Variants in FBRSL1 observed in about 807,000 individuals in gnomAD.
FBRSL1 encodes fibrosin like 1, also known as fibrosin-1-like protein.
Under a neutral mutation model 89.6 loss-of-function variants are expected in FBRSL1, and 51 were observed. The ratio of observed to expected loss-of-function variants is 0.57; its 90% CI spans 0.45 to 0.72. The LOEUF (loss-of-function observed/expected upper bound fraction) is 0.72. Among genes scored for constraint, FBRSL1 ranks in the 30% least tolerant of loss-of-function variants. The pLI is 0.00. For synonymous variants in FBRSL1, 779 were observed against 681.1 expected (o/e 1.14, Z -2.24); for missense variants, 1,618 against 1,451.8 (o/e 1.11, Z -1.86).
At position 132,583,644 on chromosome 12, in the gene FBRSL1, CT is replaced by C. The variant is rs946145013; in HGVS notation, c.2876del (p.Leu959ArgfsTer2). The stretch of plus-strand genomic sequence containing the variant: ...CGCCGCCCTCGGCGCACCGCCCCCC[CT>C]GGTGACGGCGGCCGGGCCCCCCACG... Reference protein sequence around the residue: ...AAAALGAPPPLVTAAGPPTPP... With the variant: ...AAAALGAPPPXVTAAGPPTPP... On this transcript the variant is annotated frameshift_variant, in exon 19 of 19. Transcript: ENST00000680143. LOFTEE classifies it high-confidence loss of function. 9.5e-5 allele frequency: 97 copies of C among 1,016,260 alleles called. No homozygotes were observed. Among genetic ancestry groups the C allele is most frequent in the Non-Finnish European group, 9.2e-5 (78 of 849,996 alleles). The allele number at this position is 1,016,260 out of a possible 1,614,324, so 63.0% of individuals were successfully genotyped here. A position where few individuals can be genotyped will look rare whatever the true frequency, so the allele number is the denominator to read the frequency against.
At chr12:132,574,624 C>T in intron 14 of FBRSL1, 60 bp downstream of exon 14, 1 of 1,523,986 alleles carries the variant, frequency 6.6e-7, no homozygotes. Context: ...TGGTCGGGCC[C>T]TGAAGGCCAG....
chr12:132,581,328 G>T, intron 15 of FBRSL1, 111 bp from the exon 16 acceptor site: 1 of 1,541,956 alleles, frequency 6.5e-7, no homozygotes, highest in South Asian at 1.2e-5. Context: ...GCGAGAGAAT[G>T]GGAGGTGAAG....
At chr12:132,533,924 G>C (rs906735524) in intron 4 of FBRSL1, among the ~76,000 whole-genome samples, 2 of 152,216 alleles carry the variant, frequency 1.3e-5, no homozygotes, top group African/African-American at 4.8e-5. Flanking sequence ...CAGGGTGTCT[G>C]AGTAGGGGCA....
intron 15 of FBRSL1, among the ~76,000 whole-genome samples, chr12:132,579,920 A>C (rs987314219): frequency 6.6e-6 from 1 of 152,078 alleles, no homozygotes; most frequent in Non-Finnish European, 1.5e-5. Flanking sequence ...CGGTTTCAGT[A>C]ACGCGAGTGT....
In FBRSL1 at chr12:132,581,464, A is replaced by T. The variant is rs2040741752; in HGVS notation, c.1860A>T (p.Pro620=). 2.6e-6 allele frequency: 4 copies of T among 1,550,902 alleles called. No individual in the cohort carries two copies. The highest frequency in any genetic ancestry group is 2.6e-6 in the Non-Finnish European group (3 of 1,146,876). ...STGAAHPASN[P]FGPSAHPGSF... Reference sequence around the variant, plus strand: ...GTGCCGCCCATCCTGCCTCCAACCCATTTGGACCCTCAGCCCATCCTGGCA... The same window carrying T: ...GTGCCGCCCATCCTGCCTCCAACCCTTTTGGACCCTCAGCCCATCCTGGCA... Residue 620 remains proline (P), a synonymous_variant, in exon 16 of 19, where the codon CCA becomes CCT. Coordinates refer to ENST00000680143, the MANE Select transcript of FBRSL1 (RefSeq NM_001367871.1).
chr12:132,574,713 A>C (rs1448886267), intron 14 of FBRSL1, 149 bp downstream of exon 14: 1 of 1,100,558 alleles, frequency 9.1e-7, no homozygotes, highest in Non-Finnish European at 1.3e-6. Context: ...TCCTCTGGGT[A>C]CTGGGCTTTT....
chr12:132,568,924 G>A (rs558423640), intron 6 of FBRSL1, among the ~76,000 whole-genome samples: 1 of 152,208 alleles, frequency 6.6e-6, no homozygotes, highest in African/African-American at 2.4e-5. Context: ...AGAAGACCAG[G>A]CCCCATGGTC....
chr12:132,550,689 C>G (rs964009985), intron 5 of FBRSL1: 1 of 152,652 alleles, frequency 6.6e-6, no homozygotes, highest in Non-Finnish European at 1.5e-5. Context: ...TGCAGCGGAG[C>G]GAGAGAGAGG....
rs902784399 is a variant in FBRSL1, at chr12:132,499,420, A to G, written c.291+8559A>G. Among the ~76,000 whole-genome samples the G allele has an allele frequency of 1.2e-4, 19 of 152,220 alleles. No homozygotes were observed. Among genetic ancestry groups the G allele is most frequent in the African/African-American group, 4.3e-4 (18 of 41,452 alleles). ...TCTGCTTTCCCTGACAGACTTTATA[A>G]GCATTTATTGAGCACCGGCTGTGTG... On this transcript the variant is annotated intron_variant, in intron 1 of 18. Coordinates refer to ENST00000680143, the MANE Select transcript of FBRSL1 (RefSeq NM_001367871.1). The surrounding 1 kb of genome is among the most constrained non-coding windows in gnomAD (Gnocchi z 4.3).
At position 132,582,043 on chromosome 12, in the gene FBRSL1, C is replaced by T. The variant is rs1257705591; in HGVS notation, c.1997-19C>T. The stretch of plus-strand genomic sequence containing the variant: ...GAGCAGACAGACCCAACCTCATGCT[C>T]CCCGGCCTCTGCCCCCAGCTCCCGG... On this transcript the variant is annotated intron_variant, in intron 17 of 18. Transcript: ENST00000680143. The T allele has an allele frequency of 5.9e-6, 9 of 1,535,680 alleles. No individual in the cohort carries two copies. The highest frequency in any genetic ancestry group is 5.5e-5 in the African/African-American group (4 of 72,918).
At chr12:132,547,461 T>A (rs771084494) in intron 4 of FBRSL1, among the ~76,000 whole-genome samples, 6 of 152,226 alleles carry the variant, frequency 3.9e-5, no homozygotes, top group Non-Finnish European at 8.8e-5. Flanking sequence ...CTCCGTGCGC[T>A]GCCAGCCCCT....
Position 132,551,755 on chromosome 12 carries a change from T to C in FBRSL1, c.645+3723T>C, listed in dbSNP as rs1384955782. 1.9e-5 allele frequency: 7 copies of C among 363,906 alleles called. No homozygotes were observed. The East Asian group carries it at 3.0e-4, about 16-fold the overall frequency. 22.5% of individuals were successfully genotyped at this position (363,906 alleles called of 1,614,324 possible). ...CCCTGGCCCTTGGCAGGAGGCTCCT[T>C]GGCAGCTGACGGGAGGCTCGGGCAC... is the stretch of plus-strand genomic sequence containing the variant. On this transcript the variant is annotated intron_variant, in intron 5 of 18. Coordinates refer to ENST00000680143, the MANE Select transcript of FBRSL1 (RefSeq NM_001367871.1).
At chr12:132,550,397 C>G (rs1349888999) in intron 5 of FBRSL1, among the ~76,000 whole-genome samples, 1 of 152,154 alleles carries the variant, frequency 6.6e-6, no homozygotes, top group Non-Finnish European at 1.5e-5. Flanking sequence ...AAGGTCTGAG[C>G]GCCGGCGCAC....
chr12:132,549,005 AGGAGCT>A (rs2037926763), intron 5 of FBRSL1, among the ~76,000 whole-genome samples: 1 of 152,130 alleles, frequency 6.6e-6, no homozygotes, highest in Non-Finnish European at 1.5e-5. Context: ...GTGGCCTGGC[AGGAGCT>A]GTCTGGGCTG....
intron 4 of FBRSL1, among the ~76,000 whole-genome samples, chr12:132,529,679 T>C (rs1317815810): frequency 2.0e-5 from 3 of 147,352 alleles, no homozygotes; most frequent in Non-Finnish European, 4.5e-5. Context: ...TGGGCTCGGC[T>C]CTGCACCCCT....
At position 132,571,061 on chromosome 12, in the gene FBRSL1, C is replaced by T; in HGVS notation, c.1214-7C>T. On this transcript the variant is annotated splice_polypyrimidine_tract_variant and splice_region_variant and intron_variant, in intron 8 of 18. Coordinates refer to ENST00000680143, the MANE Select transcript of FBRSL1 (RefSeq NM_001367871.1). Reference sequence around the variant, plus strand: ...GAGGGGCTCACCGTGTTCTCTCTTGCCTCTAGATGCCAGCCTGGCGGTCTC... The same window carrying T: ...GAGGGGCTCACCGTGTTCTCTCTTGTCTCTAGATGCCAGCCTGGCGGTCTC... The T allele has an allele frequency of 7.5e-7, 1 of 1,339,500 alleles. No individual in the cohort carries two copies. Among genetic ancestry groups the T allele is most frequent in the South Asian group, 2.2e-5 (1 of 45,900 alleles). 83.0% of individuals were successfully genotyped at this position (1,339,500 alleles called of 1,614,324 possible).
intron 18 of FBRSL1, 104 bp downstream of exon 18, chr12:132,582,370 G>A (rs1173148301): frequency 2.0e-5 from 17 of 865,812 alleles, no homozygotes; most frequent in East Asian, 1.2e-4. Context: ...TCTTCTCCCC[G>A]TTTCCTCTCC....
chr12:132,507,143 CTG>C (rs910091724), intron 1 of FBRSL1: 2 of 969,670 alleles, frequency 2.1e-6, no homozygotes, highest in Non-Finnish European at 2.5e-6. Context: ...CTCGGGGACA[CTG>C]TGGCCCTCCG....
At chr12:132,503,470 G>T (rs891088774) in intron 1 of FBRSL1, among the ~76,000 whole-genome samples, 1 of 152,258 alleles carries the variant, frequency 6.6e-6, no homozygotes, top group Non-Finnish European at 1.5e-5. Flanking sequence ...TGGGCGGGGG[G>T]AGATGTGGGG....
Sources: gnomAD v4.1 joint callset for allele counts (sites outside exome capture counted in the v4.1 genomes callset) on GRCh38, gnomAD v4.1.1 for gene constraint, Gnocchi (gnomAD v3.1) non-coding constraint, MANE v1.5 for transcripts, NCBI Gene and HGNC (gene_info 2026-07-23, HGNC 2026-07-21) for gene names.